The following ARHGAP28 variants were observed in gnomAD, a reference collection of about 807,000 sequenced individuals.
ARHGAP28 encodes the protein Rho GTPase activating protein 28.
ARHGAP28 carries 56 observed loss-of-function variants against 90.7 expected under a neutral mutation model. The observed-to-expected ratio is 0.62, with a 90% CI of 0.50 to 0.77. The LOEUF is 0.77. Ranked by LOEUF, ARHGAP28 falls within the 30% of genes least tolerant of loss-of-function variation. The pLI is 0.00. For missense variants in ARHGAP28, 869 were observed against 900.9 expected (o/e 0.96, Z 0.45); for synonymous variants, 308 against 323.3 (o/e 0.95, Z 0.51).
At chr18:6,876,771 C>T (rs1436283566) in intron 10 of ARHGAP28, among the ~76,000 whole-genome samples, 1 of 152,202 alleles carries the variant, frequency 6.6e-6, no homozygotes, top group African/African-American at 2.4e-5. Flanking sequence ...GTTCCACTTA[C>T]AGTAATGTTA....
At chr18:6,800,349 C>T (rs2056472805) in intron 1 of ARHGAP28, among the ~76,000 whole-genome samples, 1 of 152,120 alleles carries the variant, frequency 6.6e-6, no homozygotes, top group Admixed American at 6.5e-5. Context: ...CCTAGCAATC[C>T]CATTACTGGG....
rs887017347 is a variant in ARHGAP28 at position 6,912,250 on chromosome 18, C to T, written c.*96C>T. On this transcript the variant is annotated 3_prime_UTR_variant, in exon 18 of 18. Coordinates refer to ENST00000383472, the MANE Select transcript of ARHGAP28 (RefSeq NM_001366230.1). ...AACACTGTGTTTGACGTATTTGTTC[C>T]TACAGCATTCTCAGTATTTCTGGCC... The T allele has an allele frequency of 9.5e-6, 6 of 634,642 alleles. No homozygotes were observed. Among genetic ancestry groups the T allele is most frequent in the Non-Finnish European group, 1.6e-5 (6 of 384,448 alleles). 39.3% of individuals were successfully genotyped at this position (634,642 alleles called of 1,614,324 possible).
chr18:6,815,953 C>T (rs1247121996), intron 1 of ARHGAP28, among the ~76,000 whole-genome samples: 2 of 151,760 alleles, frequency 1.3e-5, no homozygotes, highest in African/African-American at 4.8e-5. Flanking sequence ...TTCCCTGCTG[C>T]ATAAGTAAAG....
chr18:6,729,788 T>C lies in ARHGAP28; in HGVS notation c.-34T>C, dbSNP rs1423856702. On this transcript the variant is annotated 5_prime_UTR_variant, in exon 1 of 18. Coordinates refer to ENST00000383472, the MANE Select transcript of ARHGAP28 (RefSeq NM_001366230.1). ...GGTCCATGCTGGTCCCGGTCTTTGT[T>C]CTGGGGCCGGCGCCGAGACATGCGC... 1.5e-6 allele frequency: 2 copies of C among 1,372,090 alleles called. No individual in the cohort carries two copies. The highest frequency in any genetic ancestry group is 1.9e-6 in the Non-Finnish European group (2 of 1,065,770). The allele number at this position is 1,372,090 out of a possible 1,614,324, so 85.0% of individuals were successfully genotyped here. A position where few individuals can be genotyped will look rare whatever the true frequency, so the allele number is the denominator to read the frequency against.
chr18:6,873,062 C>A (rs1021088529), intron 7 of ARHGAP28, among the ~76,000 whole-genome samples: 1 of 152,060 alleles, frequency 6.6e-6, no homozygotes, highest in Non-Finnish European at 1.5e-5. Context: ...GTGTGTGTCA[C>A]ATTTATTCCA....
At chr18:6,735,392 T>C (rs1226988253) in intron 1 of ARHGAP28, among the ~76,000 whole-genome samples, 1 of 152,216 alleles carries the variant, frequency 6.6e-6, no homozygotes, top group Non-Finnish European at 1.5e-5. Flanking sequence ...GAATTGAATG[T>C]GGGACTCCAC....
rs183332599 is a variant in ARHGAP28 at position 6,739,755 on chromosome 18, T to C, written c.122+9812T>C. Among the ~76,000 whole-genome samples the C allele has an allele frequency of 8.0e-4, 122 of 152,066 alleles. No individual in the cohort carries two copies. In the East Asian group the frequency reaches 0.02, roughly 25 times the overall value. ...AACTAGATCTTATAATTTTTCACTT[T>C]AGTTTTATTAATTGCTTTTTTAACA... is the stretch of plus-strand genomic sequence containing the variant. On this transcript the variant is annotated intron_variant, in intron 1 of 17. Coordinates refer to ENST00000383472, the MANE Select transcript of ARHGAP28 (RefSeq NM_001366230.1).
intron 14 of ARHGAP28, among the ~76,000 whole-genome samples, chr18:6,892,689 T>C (rs1359305323): frequency 6.6e-6 from 1 of 152,258 alleles, no homozygotes; most frequent in African/African-American, 2.4e-5. Context: ...TTCATGACTT[T>C]TCTCCTGAAC....
At chr18:6,730,151 AGTC>A (rs2055864426) in intron 1 of ARHGAP28, 3 of 424,498 alleles carry the variant, frequency 7.1e-6, no homozygotes, top group African/African-American at 6.8e-5. Flanking sequence ...CCTGGGCTGA[AGTC>A]GTTGGCTAGC....
At chr18:6,852,122 G>A (rs777170189) in intron 4 of ARHGAP28, among the ~76,000 whole-genome samples, 2 of 152,092 alleles carry the variant, frequency 1.3e-5, no homozygotes, top group Admixed American at 1.3e-4. Flanking sequence ...CTCATTAATA[G>A]ACAACATATT....
At chr18:6,903,222 T>C (rs1464546572) in intron 16 of ARHGAP28, among the ~76,000 whole-genome samples, 1 of 152,198 alleles carries the variant, frequency 6.6e-6, no homozygotes, top group Non-Finnish European at 1.5e-5. Flanking sequence ...TGAAAACAGA[T>C]GCTGGTTATG....
chr18:6,730,171 TAGCA>T (rs5822918), intron 1 of ARHGAP28: 176,055 of 348,280 alleles, frequency 0.51, 45,942 homozygotes, highest in South Asian at 0.68. Flanking sequence ...TAGCAGAGAT[TAGCA>T]AGCAGCAGGA....
In ARHGAP28 at chr18:6,864,939, T is replaced by C. The variant is rs116961437; in HGVS notation, c.727-3211T>C. 2.4e-4 allele frequency among the ~76,000 whole-genome samples: 37 copies of C among 152,224 alleles called. 1 individual carries two copies. The East Asian group carries it at 6.8e-3, about 28-fold the overall frequency. ...GAGCAGTTTCAGGTTCGCAGCAAAA[T>C]TGAGTGGAAAAGTACAGCGATTTCC... On this transcript the variant is annotated intron_variant, in intron 5 of 17. Transcript: ENST00000383472.
chr18:6,738,769 AAG>A lies in ARHGAP28; in HGVS notation c.122+8840_122+8841del, dbSNP rs1374437011. 2.6e-5 allele frequency among the ~76,000 whole-genome samples: 4 copies of A among 151,910 alleles called. No individual in the cohort carries two copies. In the South Asian group the frequency reaches 6.2e-4, roughly 24 times the overall value. On this transcript the variant is annotated intron_variant, in intron 1 of 17. Coordinates refer to ENST00000383472, the MANE Select transcript of ARHGAP28 (RefSeq NM_001366230.1). ...TTAAGTGGCAAGAGATAAAAAGCAG[AAG>A]AGAGAGAGAGAGAATAAATAAACGC...
In ARHGAP28 at chr18:6,774,387, T is replaced by C. The variant is rs77728297; in HGVS notation, c.122+44444T>C. Among the ~76,000 whole-genome samples the C allele has an allele frequency of 6.2e-3, 940 of 152,344 alleles. 7 individuals are homozygous for C. Among genetic ancestry groups the C allele is most frequent in the Non-Finnish European group, 8.8e-3 (600 of 68,042 alleles). On this transcript the variant is annotated intron_variant, in intron 1 of 17. Coordinates refer to ENST00000383472, the MANE Select transcript of ARHGAP28 (RefSeq NM_001366230.1). ...GGGGCTTATAGTTTTATTATTAGTT[T>C]ATAGATGCATCATATTGATAGTAAA... is the stretch of plus-strand genomic sequence containing the variant.
At chr18:6,771,134 T>G (rs1045183521) in intron 1 of ARHGAP28, among the ~76,000 whole-genome samples, 1 of 152,072 alleles carries the variant, frequency 6.6e-6, no homozygotes, top group African/African-American at 2.4e-5. Flanking sequence ...TCTCCTGGGC[T>G]CAAGCAATCC....
intron 2 of ARHGAP28, among the ~76,000 whole-genome samples, chr18:6,828,169 T>C (rs1406718752): frequency 2.0e-5 from 3 of 152,074 alleles, no homozygotes; most frequent in Non-Finnish European, 4.4e-5. Flanking sequence ...GCCAACACAG[T>C]GAAACCCCGT....
At chr18:6,859,955 C>T (rs2056985094) in intron 5 of ARHGAP28, 58 bp downstream of exon 5, 15 of 1,435,686 alleles carry the variant, frequency 1.0e-5, no homozygotes, top group Non-Finnish European at 1.5e-5. Context: ...GTCAAAGCAA[C>T]TAATGTAGGA....
chr18:6,827,856 A>G (rs1269238911), intron 2 of ARHGAP28, among the ~76,000 whole-genome samples: 6 of 150,334 alleles, frequency 4.0e-5, no homozygotes, highest in African/African-American at 1.5e-4. Context: ...CACTCCCCAC[A>G]TCTCAGACGA....
Sources: gnomAD v4.1 joint callset for allele counts (sites outside exome capture counted in the v4.1 genomes callset) on GRCh38, gnomAD v4.1.1 for gene constraint, MANE v1.5 for transcripts, NCBI Gene and HGNC (gene_info 2026-07-23, HGNC 2026-07-21) for gene names.